DMD: variants seen among roughly 807,000 people sequenced by gnomAD.
DMD encodes the protein dystrophin.
A neutral mutation model predicts 330.1 loss-of-function variants in DMD; 63 were observed. The observed-to-expected ratio is 0.19, with a 90% CI of 0.16 to 0.24. The LOEUF is 0.24. Among genes scored for constraint, DMD ranks in the 10% least tolerant of loss-of-function variants. The probability of loss-of-function intolerance (pLI) is 1.00; values close to 1 mark genes in which losing one functional copy is unlikely to be tolerated. For synonymous variants in DMD, 1,223 were observed against 959.8 expected, an observed-to-expected ratio of 1.27 and a Z score of -5.07; for missense variants, 3,344 against 2,684.1, an observed-to-expected ratio of 1.25 and a Z score of -5.43.
At position 32,449,643 on chromosome X, in the gene DMD, T is replaced by C. The variant is rs142910412; in HGVS notation, c.3604-1005A>G. On this transcript the variant is annotated intron_variant, in intron 26 of 78. Coordinates refer to ENST00000357033, the MANE Select transcript of DMD (RefSeq NM_004006.3). The stretch of plus-strand genomic sequence containing the variant: ...CCTCCATGTTGTGTATTCTCCCTCA[T>C]TGCAAAAAATAATGAACCCAACTTG... Among the ~76,000 whole-genome samples, 365 of 107,851 alleles carry C rather than the reference T, an allele frequency of 3.4e-3. 2 individuals are homozygous for C. Among genetic ancestry groups the C allele is most frequent in the African/African-American group, 0.012 (353 of 29,781 alleles). The allele number at this position is 107,851 out of a possible 115,157, so 93.7% of individuals were successfully genotyped here. A position where few individuals can be genotyped will look rare whatever the true frequency, so the allele number is the denominator to read the frequency against.
intron 2 of DMD, among the ~76,000 whole-genome samples, chrX:32,853,501 T>C (rs1350979279): frequency 9.0e-6 from 1 of 111,518 alleles, no homozygotes; most frequent in African/African-American, 3.3e-5. Context: ...TTCTTGTTTA[T>C]GCAACCAGTG....
chrX:31,262,135 C>T (rs1346257419), intron 62 of DMD, among the ~76,000 whole-genome samples: 1 of 112,352 alleles, frequency 8.9e-6, no homozygotes, highest in Non-Finnish European at 1.9e-5. Flanking sequence ...TTAAAGCAAG[C>T]CTGCCTACCT....
intron 1 of DMD, among the ~76,000 whole-genome samples, chrX:33,225,366 G>A (rs892849999): frequency 9.0e-5 from 10 of 111,461 alleles, no homozygotes; most frequent in African/African-American, 2.3e-4. Flanking sequence ...GGATAGACAC[G>A]CAGATTAATG....
intron 55 of DMD, among the ~76,000 whole-genome samples, chrX:31,599,123 C>G (rs1003072401): frequency 4.5e-5 from 5 of 111,863 alleles, no homozygotes; most frequent in Non-Finnish European, 9.4e-5. Flanking sequence ...AACATAGACT[C>G]TAGAAATGTA....
chrX:32,641,408 G>GTATA (rs72324944), intron 11 of DMD: 1,206 of 94,749 alleles, frequency 0.013, 10 homozygotes, highest in East Asian at 0.029. Context: ...TATTTTATAC[G>GTATA]TATATATATA....
At chrX:31,144,567 C>T (rs1485382513) in intron 76 of DMD, among the ~76,000 whole-genome samples, 2 of 112,288 alleles carry the variant, frequency 1.8e-5, no homozygotes, top group Non-Finnish European at 3.7e-5. Context: ...GGTTAAGGCA[C>T]TTTGCCTCCC....
At chrX:31,370,261 A>G (rs181803372) in intron 60 of DMD, among the ~76,000 whole-genome samples, 1 of 111,707 alleles carries the variant, frequency 9.0e-6, no homozygotes, top group African/African-American at 3.3e-5. Context: ...GAAGATGAAA[A>G]GATGAGAGAG....
At chrX:32,103,439 G>A (rs1478730650) in intron 44 of DMD, among the ~76,000 whole-genome samples, 1 of 111,127 alleles carries the variant, frequency 9.0e-6, no homozygotes, top group African/African-American at 3.3e-5. Context: ...AAACAAAAGC[G>A]CATAAATGGC....
At chrX:32,340,438 C>T (rs201118602) in intron 41 of DMD, among the ~76,000 whole-genome samples, 3 of 111,419 alleles carry the variant, frequency 2.7e-5, no homozygotes, top group East Asian at 2.8e-4. Flanking sequence ...GTCATTATTA[C>T]GTTGTACAAA....
intron 16 of DMD, among the ~76,000 whole-genome samples, chrX:32,548,067 T>C (rs2049153194): frequency 8.9e-6 from 1 of 111,765 alleles, no homozygotes; most frequent in South Asian, 3.7e-4. Flanking sequence ...CAATGTTTCT[T>C]GGCTTTGGAC....
chrX:32,671,324 TTAACTA>T (rs956394981), intron 9 of DMD, among the ~76,000 whole-genome samples: 3 of 111,081 alleles, frequency 2.7e-5, no homozygotes, highest in African/African-American at 9.8e-5. Context: ...CTTATTCCAA[TTAACTA>T]TAACTTCGAT....
chrX:33,239,274 CAAAAAAAAAAAAAAAAA>C (rs558228818), intron 1 of DMD, among the ~76,000 whole-genome samples: 5 of 31,375 alleles, frequency 1.6e-4, no homozygotes, highest in Admixed American at 5.1e-4. Flanking sequence ...ACTCTGTCTC[CAAAAAAAAAAAAAAAAA>C]AAAAAAAAAA....
intron 62 of DMD, among the ~76,000 whole-genome samples, chrX:31,299,928 A>G (rs1221084545): frequency 8.9e-6 from 1 of 112,012 alleles, no homozygotes; most frequent in Non-Finnish European, 1.9e-5. Context: ...ACAAGGAAAC[A>G]GAGAACATTT....
chrX:32,890,715 G>C (rs1355887059), intron 2 of DMD, among the ~76,000 whole-genome samples: 5 of 111,845 alleles, frequency 4.5e-5, no homozygotes, highest in African/African-American at 1.6e-4. Flanking sequence ...ATGATCTGGG[G>C]TTATGTTGTC....
intron 45 of DMD, among the ~76,000 whole-genome samples, chrX:31,963,734 T>C (rs189141745): frequency 9.2e-6 from 1 of 109,111 alleles, no homozygotes; most frequent in Admixed American, 9.9e-5. Context: ...TAATAATATA[T>C]TGAATAAATA....
At chrX:31,524,349 C>T (rs777858134) in intron 55 of DMD, among the ~76,000 whole-genome samples, 46 of 112,208 alleles carry the variant, frequency 4.1e-4, no homozygotes, top group Non-Finnish European at 7.9e-4. Context: ...GTCTTCAATT[C>T]TTCTCAGCAA....
In DMD at chrX:31,694,641, TATATATATAC is replaced by T. The variant is rs1428632779; in HGVS notation, c.7661-15065_7661-15056del. Among the ~76,000 whole-genome samples, 35 of 91,040 alleles carry T rather than the reference TATATATATAC, an allele frequency of 3.8e-4. 1 individual carries two copies. Among genetic ancestry groups the T allele is most frequent in the African/African-American group, 1.0e-3 (24 of 22,984 alleles). The allele number at this position is 91,040 out of a possible 115,157, so 79.1% of individuals were successfully genotyped here. A position where few individuals can be genotyped will look rare whatever the true frequency, so the allele number is the denominator to read the frequency against. On this transcript the variant is annotated intron_variant, in intron 52 of 78. Transcript: ENST00000357033. ...GCATATATATATATATATATATATA[TATATATATAC>T]ACACACATATATGTATAATACTCAA...
intron 1 of DMD, among the ~76,000 whole-genome samples, chrX:33,338,457 G>A (rs2054287015): frequency 2.5e-5 from 2 of 79,930 alleles, no homozygotes; most frequent in African/African-American, 9.3e-5. Flanking sequence ...CTCATTAAAG[G>A]GCAAAATAAA....
At chrX:31,678,279 T>C in intron 53 of DMD, among the ~76,000 whole-genome samples, 1 of 111,970 alleles carries the variant, frequency 8.9e-6, no homozygotes, top group African/African-American at 3.2e-5. Context: ...GAGAATCAGA[T>C]ACTGGTTTAG....
Sources: allele counts gnomAD v4.1 joint callset (sites outside exome capture counted in the v4.1 genomes callset), GRCh38; gene constraint gnomAD v4.1.1; transcripts MANE v1.5; gene names NCBI Gene and HGNC (gene_info 2026-07-23, HGNC 2026-07-21).